CSMD1: variants seen among roughly 807,000 people sequenced by gnomAD.
CSMD1 encodes the protein CUB and Sushi multiple domains 1, also known as CUB and sushi domain-containing protein 1.
A neutral mutation model predicts 417.5 loss-of-function variants in CSMD1; 213 were observed. The ratio of observed to expected loss-of-function variants is 0.51; its 90% CI spans 0.46 to 0.57. The LOEUF (loss-of-function observed/expected upper bound fraction) is 0.57, where lower values mean the gene tolerates loss of function less well. Among genes scored for constraint, CSMD1 ranks in the 20% least tolerant of loss-of-function variants. The probability of loss-of-function intolerance (pLI) is 0.00; values close to 1 mark genes in which losing one functional copy is unlikely to be tolerated. For synonymous variants in CSMD1, 2,862 were observed against 1,736.8 expected, an observed-to-expected ratio of 1.65 and a Z score of -16.11; for missense variants, 6,923 against 4,529.7, an observed-to-expected ratio of 1.53 and a Z score of -15.17.
chr8:4,008,924 C>A (rs1162929611), intron 4 of CSMD1, among the ~76,000 whole-genome samples: 1 of 152,098 alleles, frequency 6.6e-6, no homozygotes, highest in Non-Finnish European at 1.5e-5. Flanking sequence ...TCAGTATTTT[C>A]TAAATTGTGC....
At chr8:4,648,080 G>T (rs1563367305) in intron 1 of CSMD1, among the ~76,000 whole-genome samples, 1 of 152,142 alleles carries the variant, frequency 6.6e-6, no homozygotes, top group Non-Finnish European at 1.5e-5. Context: ...AGCATCTGTT[G>T]TTTCCTTACT....
chr8:4,303,815 C>G (rs1335225859), intron 3 of CSMD1, among the ~76,000 whole-genome samples: 3 of 152,024 alleles, frequency 2.0e-5, no homozygotes, highest in African/African-American at 7.3e-5. Flanking sequence ...TCCACTCTCC[C>G]CGGCTAATTG....
Position 3,494,734 on chromosome 8 carries a change from G to A in CSMD1, c.1345-1008C>T, listed in dbSNP as rs1336813446. ...AGATGTAACAAGAGAGACGCAGAGG[G>A]TGTGAGAAAGGAAGGCGGAAGAGAG... On this transcript the variant is annotated intron_variant, in intron 10 of 69. Transcript: ENST00000635120. Among the ~76,000 whole-genome samples the A allele has an allele frequency of 1.3e-5, 2 of 152,294 alleles. 1 individual carries two copies. The highest frequency in any genetic ancestry group is 6.8e-3 in the Middle Eastern group (2 of 294).
chr8:3,847,760 G>T (rs1251082074), intron 5 of CSMD1, among the ~76,000 whole-genome samples: 2 of 152,106 alleles, frequency 1.3e-5, no homozygotes. Context: ...AGCTCCATAT[G>T]TTCCTTTTTA....
chr8:4,500,996 A>G (rs1424790126), intron 2 of CSMD1, among the ~76,000 whole-genome samples: 1 of 152,090 alleles, frequency 6.6e-6, no homozygotes, highest in African/African-American at 2.4e-5. Flanking sequence ...ATGATGTCCA[A>G]ATGGAAGTTA....
intron 3 of CSMD1, among the ~76,000 whole-genome samples, chr8:4,329,378 T>A (rs918516724): frequency 1.3e-5 from 2 of 152,112 alleles, no homozygotes; most frequent in African/African-American, 4.8e-5. Flanking sequence ...AACCTCTGTC[T>A]CCCAGGTACA....
chr8:3,315,983 G>A (rs548033918), intron 23 of CSMD1, among the ~76,000 whole-genome samples: 57 of 152,238 alleles, frequency 3.7e-4, no homozygotes, highest in African/African-American at 7.9e-4. Flanking sequence ...ATTCTGAGAC[G>A]TCTCAGTGAA....
chr8:4,729,763 C>T (rs1245705422), intron 1 of CSMD1, among the ~76,000 whole-genome samples: 1 of 152,110 alleles, frequency 6.6e-6, no homozygotes, highest in Non-Finnish European at 1.5e-5. Flanking sequence ...ATCTCATAAA[C>T]AACTTAACAC....
At chr8:4,583,066 G>A (rs1423839711) in intron 2 of CSMD1, among the ~76,000 whole-genome samples, 10 of 152,170 alleles carry the variant, frequency 6.6e-5, no homozygotes, top group Admixed American at 1.3e-4. Flanking sequence ...GCCTTCCCGC[G>A]GGGCAGGGCT....
At chr8:3,413,324 T>A (rs73657857) in intron 12 of CSMD1, among the ~76,000 whole-genome samples, 15,079 of 152,106 alleles carry the variant, frequency 0.099, 933 homozygotes, top group East Asian at 0.25. Context: ...TTTCAGAAAT[T>A]AAATGAGGGT....
intron 2 of CSMD1, among the ~76,000 whole-genome samples, chr8:4,530,800 G>C (rs1369425148): frequency 2.0e-5 from 3 of 151,500 alleles, no homozygotes; most frequent in African/African-American, 2.4e-5. Flanking sequence ...CAATCCCATA[G>C]CCAAAGGATT....
At chr8:3,694,315 C>T (rs372068380) in intron 7 of CSMD1, among the ~76,000 whole-genome samples, 2 of 152,020 alleles carry the variant, frequency 1.3e-5, no homozygotes, top group African/African-American at 4.8e-5. Flanking sequence ...TCCAGGAGCA[C>T]AGCAGCATGA....
In CSMD1 at chr8:3,025,513, C is replaced by T. The variant is rs746610691; in HGVS notation, c.7855+3806G>A. On this transcript the variant is annotated intron_variant, in intron 51 of 69. Coordinates refer to ENST00000635120, the MANE Select transcript of CSMD1 (RefSeq NM_033225.6). The stretch of plus-strand genomic sequence containing the variant: ...AACTGTGTATTGTGTGGTGTTATTC[C>T]GAAACAGCTCTTCTAAAAATGGGAT... Among the ~76,000 whole-genome samples, 10 of 151,662 alleles carry T rather than the reference C, an allele frequency of 6.6e-5. No homozygotes were observed. The South Asian group carries it at 8.3e-4, about 13-fold the overall frequency.
At chr8:4,766,977 A>G (rs1397605902) in intron 1 of CSMD1, among the ~76,000 whole-genome samples, 1 of 152,240 alleles carries the variant, frequency 6.6e-6, no homozygotes, top group Non-Finnish European at 1.5e-5. Flanking sequence ...TAGTCTAAAA[A>G]AGAAAATATT....
intron 3 of CSMD1, among the ~76,000 whole-genome samples, chr8:4,316,893 G>T (rs572260349): frequency 6.6e-6 from 1 of 152,066 alleles, no homozygotes; most frequent in Non-Finnish European, 1.5e-5. Flanking sequence ...CTTGGGGTGG[G>T]GGAATCTTCA....
In CSMD1 at chr8:4,737,100, A is replaced by C. The variant is rs370744216; in HGVS notation, c.86-99542T>G. ...TAATCAACCTACATGCCCATCAATG[A>C]TAGACTGAATAAAGAAAATGTGGTA... On this transcript the variant is annotated intron_variant, in intron 1 of 69. Transcript: ENST00000635120. Among the ~76,000 whole-genome samples the C allele has an allele frequency of 4.6e-5, 7 of 152,322 alleles. No homozygotes were observed. The South Asian group carries it at 6.2e-4, about 14-fold the overall frequency.
intron 3 of CSMD1, among the ~76,000 whole-genome samples, chr8:4,094,797 A>G (rs1800913315): frequency 6.6e-6 from 1 of 152,174 alleles, no homozygotes; most frequent in Non-Finnish European, 1.5e-5. Flanking sequence ...TACTGGATAA[A>G]CAGGCCTGCC....
chr8:4,902,956 TAAA>T (rs1229132070), intron 1 of CSMD1, among the ~76,000 whole-genome samples: 1 of 146,618 alleles, frequency 6.8e-6, no homozygotes, highest in Admixed American at 7.0e-5. Context: ...TATATAATAA[TAAA>T]CTTTGAATAC....
intron 3 of CSMD1, among the ~76,000 whole-genome samples, chr8:4,221,615 T>G (rs927713621): frequency 1.3e-5 from 2 of 152,120 alleles, no homozygotes; most frequent in Non-Finnish European, 2.9e-5. Flanking sequence ...CCTCTGAGAA[T>G]AGTGAATAAG....
Sources: gnomAD v4.1 joint callset for allele counts (sites outside exome capture counted in the v4.1 genomes callset) on GRCh38, gnomAD v4.1.1 for gene constraint, MANE v1.5 for transcripts, NCBI Gene and HGNC (gene_info 2026-07-23, HGNC 2026-07-21) for gene names.